The following OR9Q1 variants were observed in gnomAD, a reference collection of about 807,000 sequenced individuals.
OR9Q1 encodes olfactory receptor family 9 subfamily Q member 1.
For missense variants in OR9Q1, 374 were observed against 378.8 expected, an observed-to-expected ratio of 0.99 and a Z score of 0.11; for synonymous variants, 153 against 148.6, an observed-to-expected ratio of 1.03 and a Z score of -0.22.
At chr11:58,148,583 T>A (rs2443430) in intron 2 of OR9Q1, among the ~76,000 whole-genome samples, 124,331 of 152,156 alleles carry the variant, frequency 0.82, 50,939 homozygotes, top group East Asian at 0.96. Context: ...ATCCCCATGG[T>A]TCTCCCATGC....
At chr11:58,152,761 A>C (rs1417294605) in intron 2 of OR9Q1, among the ~76,000 whole-genome samples, 1 of 152,060 alleles carries the variant, frequency 6.6e-6, no homozygotes, top group African/African-American at 2.4e-5. Context: ...TTTTCTATTG[A>C]TATTAGAAAG....
chr11:58,174,311 G>A lies in OR9Q1; in HGVS notation c.-14-5120G>A, dbSNP rs561772723. ...GACCCAAATATGAAGAGAGACACAT[G>A]AAACAGATTGTGAATCAAGCTGCAG... On this transcript the variant is annotated intron_variant, in intron 2 of 2. Transcript: ENST00000335397. Among the ~76,000 whole-genome samples the A allele has an allele frequency of 4.6e-5, 7 of 152,242 alleles. No individual in the cohort carries two copies. The East Asian group carries it at 1.2e-3, about 25-fold the overall frequency.
At chr11:58,035,183 G>C (rs1195755729) in intron 1 of OR9Q1, among the ~76,000 whole-genome samples, 1 of 151,972 alleles carries the variant, frequency 6.6e-6, no homozygotes, top group Non-Finnish European at 1.5e-5. Flanking sequence ...TGAGCCTTAG[G>C]TCAAATCTAA....
intron 2 of OR9Q1, among the ~76,000 whole-genome samples, chr11:58,134,607 C>A (rs1854173773): frequency 6.6e-6 from 1 of 152,138 alleles, no homozygotes; most frequent in South Asian, 2.1e-4. Flanking sequence ...GATTTAGGGT[C>A]AGCACTTGAG....
At chr11:58,074,163 A>G (rs182474235) in intron 2 of OR9Q1, among the ~76,000 whole-genome samples, 10 of 152,340 alleles carry the variant, frequency 6.6e-5, no homozygotes, top group South Asian at 2.1e-4. Flanking sequence ...AGAATGATTT[A>G]TCATCCTTTG....
chr11:58,150,647 T>C lies in OR9Q1; in HGVS notation c.-14-28784T>C, dbSNP rs980668355. On this transcript the variant is annotated intron_variant, in intron 2 of 2. Transcript: ENST00000335397. ...CAACACATGACTCACATGTTCGTGG[T>C]GATGCTGGTGTAAACAAACCTACTG... 5.1e-4 allele frequency among the ~76,000 whole-genome samples: 77 copies of C among 152,200 alleles called. 3 individuals are homozygous for C. The highest frequency in any genetic ancestry group is 1.5e-5 in the Non-Finnish European group (1 of 68,026).
intron 2 of OR9Q1, among the ~76,000 whole-genome samples, chr11:58,062,571 C>G (rs543222862): frequency 6.6e-6 from 1 of 152,146 alleles, no homozygotes; most frequent in Non-Finnish European, 1.5e-5. Flanking sequence ...ATTGAACTCA[C>G]TTAGGATGTA....
chr11:58,042,522 A>G (rs1279017291), intron 1 of OR9Q1, among the ~76,000 whole-genome samples: 1 of 151,502 alleles, frequency 6.6e-6, no homozygotes, highest in African/African-American at 2.4e-5. Context: ...TTTTGGTACC[A>G]GTACCATGCT....
In OR9Q1 at chr11:58,088,397, A is replaced by G. The variant is rs533336800; in HGVS notation, c.-15+32450A>G. On this transcript the variant is annotated intron_variant, in intron 2 of 2. Coordinates refer to ENST00000335397, the MANE Select transcript of OR9Q1 (RefSeq NM_001005212.4). ...TTCTAGATCCTTGAGGAATTGCCACACTGTCTTCCATAATAGGTGAACTAA... is the reference window on the plus strand; with the variant it reads ...TTCTAGATCCTTGAGGAATTGCCACGCTGTCTTCCATAATAGGTGAACTAA... Among the ~76,000 whole-genome samples, 10 of 152,018 alleles carry G rather than the reference A, an allele frequency of 6.6e-5. No individual in the cohort carries two copies. In the South Asian group the frequency reaches 1.9e-3, roughly 28 times the overall value.
At chr11:58,118,887 C>A in intron 2 of OR9Q1, 1 of 1,614,004 alleles carries the variant, frequency 6.2e-7, no homozygotes, top group Middle Eastern at 1.7e-4. Flanking sequence ...TGCAGGCAAG[C>A]TTCAGCAGGG....
chr11:58,033,638 A>C (rs2514186), intron 1 of OR9Q1, among the ~76,000 whole-genome samples: 50,594 of 151,980 alleles, frequency 0.33, 8,855 homozygotes, highest in East Asian at 0.68. Context: ...ATGGCTGAAA[A>C]ACTGCCTGTT....
chr11:58,119,265 G>A, intron 2 of OR9Q1: 1 of 1,614,024 alleles, frequency 6.2e-7, no homozygotes, highest in Non-Finnish European at 8.5e-7. Context: ...TCAGGAAGAA[G>A]TACATTGGGG....
At chr11:58,134,786 A>G (rs1854175531) in intron 2 of OR9Q1, among the ~76,000 whole-genome samples, 1 of 152,178 alleles carries the variant, frequency 6.6e-6, no homozygotes, top group South Asian at 2.1e-4. Context: ...GAAAGGGTCT[A>G]GGTCCCAATT....
intron 2 of OR9Q1, among the ~76,000 whole-genome samples, chr11:58,135,989 G>A (rs1323846773): frequency 6.6e-6 from 1 of 152,158 alleles, no homozygotes. Flanking sequence ...GCCTGAAGAC[G>A]ACAGATGGGG....
At chr11:58,085,384 G>GT (rs1232304045) in intron 2 of OR9Q1, among the ~76,000 whole-genome samples, 1 of 151,700 alleles carries the variant, frequency 6.6e-6, no homozygotes, top group Non-Finnish European at 1.5e-5. Context: ...CTTGGTGAGA[G>GT]TTTTTTGTTT....
At chr11:58,156,536 T>C (rs1440720609) in intron 2 of OR9Q1, among the ~76,000 whole-genome samples, 2 of 152,224 alleles carry the variant, frequency 1.3e-5, no homozygotes, top group Non-Finnish European at 2.9e-5. Context: ...TCTTGGTTAG[T>C]GAGGTCTTAA....
At chr11:58,064,166 G>C (rs1853407055) in intron 2 of OR9Q1, among the ~76,000 whole-genome samples, 1 of 152,108 alleles carries the variant, frequency 6.6e-6, no homozygotes, top group Non-Finnish European at 1.5e-5. Flanking sequence ...CATCTAAGGA[G>C]GGTTGGTGAC....
chr11:58,118,397 C>T (rs553605813), intron 2 of OR9Q1: 124 of 747,308 alleles, frequency 1.7e-4, no homozygotes, highest in Non-Finnish European at 2.5e-4. Context: ...TATCTTCTGT[C>T]TTCTCTGTTT....
At chr11:58,155,529 G>A (rs1465145198) in intron 2 of OR9Q1, among the ~76,000 whole-genome samples, 1 of 152,150 alleles carries the variant, frequency 6.6e-6, no homozygotes, top group East Asian at 1.9e-4. Context: ...TAAATTTTGT[G>A]CTTACCTTGC....
Sources: gnomAD v4.1 joint callset for allele counts (sites outside exome capture counted in the v4.1 genomes callset) on GRCh38, gnomAD v4.1.1 for gene constraint, MANE v1.5 for transcripts, NCBI Gene and HGNC (gene_info 2026-07-23, HGNC 2026-07-21) for gene names.